Variants in OCA2 observed in about 807,000 individuals in gnomAD.
The protein encoded by OCA2 is OCA2 melanosomal transmembrane protein.
A neutral mutation model predicts 100.2 loss-of-function variants in OCA2; 77 were observed. The observed-to-expected ratio is 0.77, with a 90% CI of 0.64 to 0.93. The LOEUF is 0.93. Ranked by LOEUF, OCA2 falls within the 40% of genes least tolerant of loss-of-function variation. OCA2 has a pLI of 0.00. For synonymous variants in OCA2, 432 were observed against 439.2 expected, an observed-to-expected ratio of 0.98 and a Z score of 0.21; for missense variants, 1,062 against 1,089.1, an observed-to-expected ratio of 0.98 and a Z score of 0.35.
In OCA2 at chr15:28,080,161, A is replaced by G. The variant is rs536293069; in HGVS notation, c.227+1487T>C. ...CACAGTCCTTCCGGCCATATTAGAC[A>G]CTTCCCAACAAAACACTCTTTAAAG... is the stretch of plus-strand genomic sequence containing the variant. On this transcript the variant is annotated intron_variant, in intron 2 of 23. Coordinates refer to ENST00000354638, the MANE Select transcript of OCA2 (RefSeq NM_000275.3). Among the ~76,000 whole-genome samples, 34 of 152,188 alleles carry G rather than the reference A, an allele frequency of 2.2e-4. 3 individuals are homozygous for G. The South Asian group carries it at 3.9e-3, about 18-fold the overall frequency.
At chr15:28,047,969 T>C (rs1157658563) in intron 2 of OCA2, among the ~76,000 whole-genome samples, 1 of 152,110 alleles carries the variant, frequency 6.6e-6, no homozygotes, top group Non-Finnish European at 1.5e-5. Flanking sequence ...TTGCTATACA[T>C]CAGCAATGAA....
the OCA2 span, among the ~76,000 whole-genome samples, chr15:27,727,907 G>T: frequency 6.6e-6 from 1 of 152,174 alleles, no homozygotes; most frequent in Non-Finnish European, 1.5e-5. Flanking sequence ...AGTCTCCTTT[G>T]CTGTTTAAGA....
intron 9 of OCA2, among the ~76,000 whole-genome samples, chr15:27,999,063 G>A (rs926188988): frequency 1.3e-4 from 20 of 151,184 alleles, no homozygotes; most frequent in Admixed American, 2.0e-4. Context: ...GTGGGGAGAG[G>A]GGGGAGGGAT....
chr15:27,904,793 T>C (rs941750031), intron 19 of OCA2, among the ~76,000 whole-genome samples: 1 of 152,196 alleles, frequency 6.6e-6, no homozygotes, highest in African/African-American at 2.4e-5. Flanking sequence ...GGTAGGCCTC[T>C]GAAATCTCCA....
intron 18 of OCA2, among the ~76,000 whole-genome samples, chr15:27,946,826 T>C (rs541788079): frequency 6.6e-6 from 1 of 152,164 alleles, no homozygotes; most frequent in Non-Finnish European, 1.5e-5. Flanking sequence ...AAATCTAAAG[T>C]GTTATTCTCA....
rs1365328815 is a variant in OCA2, at chr15:28,091,715, G to A, written c.-22+7509C>T. Among the ~76,000 whole-genome samples, 3 of 152,172 alleles carry A rather than the reference G, an allele frequency of 2.0e-5. No homozygotes were observed. The South Asian group carries it at 6.2e-4, about 32-fold the overall frequency. Reference sequence around the variant, plus strand: ...TCACATCTGTAATCCCAGCACTTTGGGAGGCTGAGGCAGGAGGATCACTTG... The same window carrying A: ...TCACATCTGTAATCCCAGCACTTTGAGAGGCTGAGGCAGGAGGATCACTTG... On this transcript the variant is annotated intron_variant, in intron 1 of 23. Transcript: ENST00000354638.
At chr15:27,778,113 C>G (rs2032340128) in intron 23 of OCA2, among the ~76,000 whole-genome samples, 2 of 152,146 alleles carry the variant, frequency 1.3e-5, no homozygotes, top group African/African-American at 2.4e-5. Context: ...AAATTCAGAT[C>G]TCATTTTTTT....
At chr15:28,012,425 A>G (rs16950790) in intron 9 of OCA2, among the ~76,000 whole-genome samples, 12,078 of 152,052 alleles carry the variant, frequency 0.079, 700 homozygotes, top group South Asian at 0.14. Context: ...CTGCCACACT[A>G]CTCATGGAAT....
intron 19 of OCA2, chr15:27,895,638 G>C: frequency 6.0e-6 from 1 of 166,610 alleles, no homozygotes; most frequent in Non-Finnish European, 1.3e-5. Context: ...AGGGTATCTG[G>C]AGGAAGAAAT....
chr15:28,074,479 C>G (rs1332554867), intron 2 of OCA2, among the ~76,000 whole-genome samples: 1 of 151,998 alleles, frequency 6.6e-6, no homozygotes, highest in Non-Finnish European at 1.5e-5. Context: ...TCGAGACCAT[C>G]CTGGCGAACA....
downstream of OCA2, among the ~76,000 whole-genome samples, chr15:27,752,528 A>C (rs549380104): frequency 6.6e-6 from 1 of 152,258 alleles, no homozygotes; most frequent in East Asian, 1.9e-4. Context: ...AAAACAGTAC[A>C]TAAAGCTGAG....
intron 21 of OCA2, among the ~76,000 whole-genome samples, chr15:27,870,761 G>A (rs2036523433): frequency 6.7e-6 from 1 of 149,324 alleles, no homozygotes; most frequent in South Asian, 2.1e-4. Flanking sequence ...GGGAAGGAAA[G>A]ACAGAAAGGA....
intron 23 of OCA2, among the ~76,000 whole-genome samples, chr15:27,835,559 C>T (rs540536567): frequency 2.0e-4 from 31 of 152,190 alleles, no homozygotes; most frequent in Non-Finnish European, 4.4e-4. Context: ...TAGAGTTAGG[C>T]GTGAAATCGT....
chr15:27,958,813 A>G (rs2140721938), intron 15 of OCA2, among the ~76,000 whole-genome samples: 1 of 152,306 alleles, frequency 6.6e-6, no homozygotes, highest in Admixed American at 6.5e-5. Flanking sequence ...CACACTGCCT[A>G]TAGCAAGAAT....
chr15:27,745,847 A>G, the OCA2 span, among the ~76,000 whole-genome samples: 2 of 152,246 alleles, frequency 1.3e-5, no homozygotes, highest in Non-Finnish European at 2.9e-5. Context: ...GATTCATTCC[A>G]GGTCTTTAGA....
chr15:27,828,587 T>C (rs1395316485), intron 23 of OCA2, among the ~76,000 whole-genome samples: 1 of 152,204 alleles, frequency 6.6e-6, no homozygotes, highest in Non-Finnish European at 1.5e-5. Flanking sequence ...CTGTTGAGTG[T>C]AGCTAGAGAG....
chr15:28,070,645 A>G (rs2044227698), intron 2 of OCA2, among the ~76,000 whole-genome samples: 11 of 147,316 alleles, frequency 7.5e-5, no homozygotes, highest in Non-Finnish European at 1.4e-4. Context: ...CCCGGCCACC[A>G]CCCCGTCTGG....
chr15:27,854,738 C>T (rs1000877818), intron 21 of OCA2, among the ~76,000 whole-genome samples: 13 of 152,310 alleles, frequency 8.5e-5, no homozygotes, highest in African/African-American at 3.1e-4. Context: ...ATGAGCAGAG[C>T]TAACACACAC....
chr15:27,897,336 C>T (rs1429499733), intron 19 of OCA2, among the ~76,000 whole-genome samples: 6 of 152,174 alleles, frequency 3.9e-5, no homozygotes, highest in African/African-American at 1.4e-4. Context: ...CCAGCCAGTC[C>T]AGTCATGGTT....
Sources: gnomAD v4.1 joint callset for allele counts (sites outside exome capture counted in the v4.1 genomes callset) on GRCh38, gnomAD v4.1.1 for gene constraint, MANE v1.5 for transcripts, NCBI Gene and HGNC (gene_info 2026-07-23, HGNC 2026-07-21) for gene names.